Variants in ITIH2 observed in about 807,000 individuals in gnomAD.
ITIH2 encodes the protein inter-alpha-trypsin inhibitor heavy chain H2.
A neutral mutation model predicts 104.4 loss-of-function variants in ITIH2; 103 were observed. The ratio of observed to expected loss-of-function variants is 0.99; its 90% confidence interval spans 0.84 to 1.16. ITIH2 has a LOEUF of 1.16. Among genes scored for constraint, ITIH2 ranks in the 50% most tolerant of loss-of-function variants. The pLI is 0.00. For missense variants in ITIH2, 1,108 were observed against 1,162.4 expected (o/e 0.95, Z 0.68); for synonymous variants, 436 against 435.4 (o/e 1.00, Z -0.02).
chr10:7,713,445 A>G (rs560357829), intron 5 of ITIH2, 160 bp downstream of exon 5: 14 of 597,976 alleles, frequency 2.3e-5, no homozygotes, highest in African/African-American at 9.3e-5. Flanking sequence ...TGCAGTTTCT[A>G]TTCGCCTAAA....
intron 14 of ITIH2, among the ~76,000 whole-genome samples, chr10:7,734,430 C>T (rs754077850): frequency 1.3e-5 from 2 of 152,226 alleles, no homozygotes; most frequent in Non-Finnish European, 2.9e-5. Flanking sequence ...ATGCATGGCT[C>T]ATGCCTGTAA....
At chr10:7,744,572 C>G (rs149642814) in intron 18 of ITIH2, among the ~76,000 whole-genome samples, 3 of 152,314 alleles carry the variant, frequency 2.0e-5, no homozygotes, top group East Asian at 3.9e-4. Flanking sequence ...CTGACTCTAT[C>G]GCAGAGTGAG....
intron 2 of ITIH2, among the ~76,000 whole-genome samples, chr10:7,706,494 C>T: frequency 6.6e-6 from 1 of 152,232 alleles, no homozygotes; most frequent in East Asian, 1.9e-4. Context: ...TTTCTAGGTG[C>T]CAGTCACTGT....
At chr10:7,717,199 G>T (rs1834858642) in intron 5 of ITIH2, among the ~76,000 whole-genome samples, 1 of 152,092 alleles carries the variant, frequency 6.6e-6, no homozygotes, top group South Asian at 2.1e-4. Context: ...TGATCCGCCT[G>T]CCTCGGCCTC....
intron 12 of ITIH2, among the ~76,000 whole-genome samples, chr10:7,731,265 C>G (rs899081357): frequency 1.3e-5 from 2 of 151,950 alleles, no homozygotes; most frequent in African/African-American, 4.8e-5. Context: ...TCACGCTGAC[C>G]GTAACAGAAA....
intron 8 of ITIH2, among the ~76,000 whole-genome samples, chr10:7,722,130 C>A (rs1343222719): frequency 1.3e-5 from 2 of 152,028 alleles, no homozygotes; most frequent in Non-Finnish European, 2.9e-5. Context: ...GAAGGCGCAT[C>A]CACAGCCTAG....
chr10:7,728,095 G>A (rs1230526018), intron 11 of ITIH2, among the ~76,000 whole-genome samples: 1 of 152,154 alleles, frequency 6.6e-6, no homozygotes, highest in East Asian at 1.9e-4. Flanking sequence ...AGTATGTTGT[G>A]AGGATTGCTG....
chr10:7,714,265 G>A (rs919220118), intron 5 of ITIH2, among the ~76,000 whole-genome samples: 3 of 140,734 alleles, frequency 2.1e-5, no homozygotes, highest in South Asian at 2.3e-4. Context: ...TCCGCCCCCC[G>A]GGTTCACGCC....
intron 16 of ITIH2, among the ~76,000 whole-genome samples, chr10:7,740,712 G>GC (rs1021716013): frequency 1.3e-5 from 2 of 152,158 alleles, no homozygotes; most frequent in African/African-American, 4.8e-5. Flanking sequence ...AGACACATCT[G>GC]CCCCATGACC....
intron 2 of ITIH2, among the ~76,000 whole-genome samples, chr10:7,706,804 A>G (rs1261006989): frequency 6.6e-6 from 1 of 152,198 alleles, no homozygotes; most frequent in Non-Finnish European, 1.5e-5. Flanking sequence ...GGGGCACTGC[A>G]AACAGTGGGA....
In ITIH2 at chr10:7,749,273, T is replaced by C. The variant is rs1367119820; in HGVS notation, c.2780T>C (p.Ile927Thr). 21 of 1,614,058 alleles carry C rather than the reference T, an allele frequency of 1.3e-5. No individual in the cohort carries two copies. Among genetic ancestry groups the C allele is most frequent in the Non-Finnish European group, 1.7e-5 (20 of 1,180,022 alleles). The change falls in exon 21 of 21, where the codon ATT becomes ACT. Residue 927 changes from isoleucine to threonine, a missense_variant. Transcript: ENST00000358415. ...GTGCACAACAGTGGAAAAGGATTCA[T>C]TGACGGGCATTACAAGGATTACTTC... ...WFVHNSGKGF[I>T]DGHYKDYFVP...
At chr10:7,727,434 T>C (rs531374693) in intron 10 of ITIH2, among the ~76,000 whole-genome samples, 15 of 152,234 alleles carry the variant, frequency 9.9e-5, no homozygotes, top group Non-Finnish European at 1.3e-4. Context: ...TTGGATACTT[T>C]AATCTGGTGT....
At chr10:7,744,336 A>C (rs1312718474) in intron 18 of ITIH2, 56 bp downstream of exon 18, 1 of 1,350,978 alleles carries the variant, frequency 7.4e-7, no homozygotes, top group East Asian at 2.3e-5. Flanking sequence ...CTGCATAAAT[A>C]AATCCAGGCA....
At chr10:7,732,317 A>G (rs745983134) in intron 13 of ITIH2, 21 bp from the exon 14 acceptor site, 2 of 1,608,328 alleles carry the variant, frequency 1.2e-6, no homozygotes, top group Non-Finnish European at 1.7e-6. Context: ...GTGTCTCTCA[A>G]CTGAACCTTC....
chr10:7,734,850 G>A, intron 14 of ITIH2, 72 bp from the exon 15 acceptor site: 1 of 1,365,086 alleles, frequency 7.3e-7, no homozygotes, highest in East Asian at 2.3e-5. Context: ...TGGGGTGCAG[G>A]GTCAGGGAGC....
chr10:7,726,063 A>G (rs1385111095), intron 9 of ITIH2, among the ~76,000 whole-genome samples: 1 of 152,214 alleles, frequency 6.6e-6, no homozygotes, highest in Non-Finnish European at 1.5e-5. Context: ...ATTTAGTGAC[A>G]TTAGCATCAT....
At position 7,721,706 on chromosome 10, in the gene ITIH2, G is replaced by C. The variant is rs147906523; in HGVS notation, c.796G>C (p.Glu266Gln). Residue 266 changes from glutamate to glutamine, a missense_variant, in exon 8 of 21, where the codon GAG becomes CAG. By Grantham distance (29) the Glu-to-Gln change is conservative (BLOSUM62 2). Coordinates refer to ENST00000358415, the MANE Select transcript of ITIH2 (RefSeq NM_002216.3). ...AQQRICPNCR[E>Q]TAVDGELVVL... Reference sequence around the variant, plus strand: ...GCAGAGAATATGCCCTAACTGCCGGGAGACTGCGGTAGATGGGGAACTGGT... The same window carrying C: ...GCAGAGAATATGCCCTAACTGCCGGCAGACTGCGGTAGATGGGGAACTGGT... 1,306 of 1,613,930 alleles carry C rather than the reference G, an allele frequency of 8.1e-4. No individual in the cohort carries two copies. The highest frequency in any genetic ancestry group is 2.0e-3 in the Admixed American group (123 of 60,030).
chr10:7,734,393 G>GT (rs1293142860), intron 14 of ITIH2, among the ~76,000 whole-genome samples: 1 of 152,146 alleles, frequency 6.6e-6, no homozygotes, highest in African/African-American at 2.4e-5. Context: ...AAAGTATAAA[G>GT]TTTTAAAAAA....
In ITIH2 at chr10:7,727,828, G is replaced by A; in HGVS notation, c.1279G>A (p.Gly427Ser). 6.2e-7 allele frequency: 1 copy of A among 1,614,104 alleles called. No individual in the cohort carries two copies. The highest frequency in any genetic ancestry group is 8.5e-7 in the Non-Finnish European group (1 of 1,179,976). Residue 427 changes from glycine (G) to serine (S), a missense_variant and splice_region_variant, in exon 11 of 21, where the codon GGC (glycine) becomes AGC (serine). Physicochemically the swap from Gly to Ser is moderately conservative, Grantham distance 56 (BLOSUM62 0). Transcript: ENST00000358415. ...GGTTTCTGATGGAGATCCAACAGTG[G>A]GCAAGTGTCACTTCAACCTTCTCAC... ...ILVSDGDPTV[G>S]ELKLSKIQKN...
Sources: gnomAD v4.1 joint callset for allele counts (sites outside exome capture counted in the v4.1 genomes callset) on GRCh38, gnomAD v4.1.1 for gene constraint, MANE v1.5 for transcripts, NCBI Gene and HGNC (gene_info 2026-07-23, HGNC 2026-07-21) for gene names.